CCDC12: variants seen among roughly 807,000 people sequenced by gnomAD.
CCDC12 encodes the protein coiled-coil domain containing 12.
In CCDC12, 28 loss-of-function variants were observed where a neutral mutation model predicts 25.7. The ratio of observed to expected loss-of-function variants is 1.09; its 90% confidence interval spans 0.81 to 1.50. The LOEUF (loss-of-function observed/expected upper bound fraction) is 1.50, where lower values mean the gene tolerates loss of function less well. CCDC12 is among the 40% of genes most tolerant of loss of function. CCDC12 has a pLI of 0.00. For synonymous variants in CCDC12, 75 were observed against 87.7 expected (o/e 0.86, Z 0.81); for missense variants, 198 against 210.0 (o/e 0.94, Z 0.35).
intron 1 of CCDC12, among the ~76,000 whole-genome samples, chr3:46,946,955 A>G (rs981268079): frequency 6.6e-6 from 1 of 152,180 alleles, no homozygotes; most frequent in Non-Finnish European, 1.5e-5. Context: ...GAAGCAGGAA[A>G]GGGTTAAGAG....
intron 1 of CCDC12, among the ~76,000 whole-genome samples, chr3:46,962,050 T>A (rs185714570): frequency 6.9e-4 from 105 of 152,288 alleles, no homozygotes; most frequent in South Asian, 2.9e-3. Context: ...TAGACCTATA[T>A]GTAGGCAACT....
intron 1 of CCDC12, among the ~76,000 whole-genome samples, chr3:46,953,413 A>G (rs1463394): frequency 0.94 from 143,710 of 152,110 alleles, 68,459 homozygotes; most frequent in East Asian, 1. Flanking sequence ...AAGACTTCAC[A>G]GACTCGCACT....
intron 5 of CCDC12, 96 bp from the exon 6 acceptor site, chr3:46,922,408 C>T: frequency 7.2e-7 from 1 of 1,384,630 alleles, no homozygotes; most frequent in Non-Finnish European, 1.0e-6. Flanking sequence ...CATTAGGAGT[C>T]ATGCTCGGTT....
At chr3:46,924,582 C>A (rs2032853315) in intron 3 of CCDC12, among the ~76,000 whole-genome samples, 1 of 152,372 alleles carries the variant, frequency 6.6e-6, no homozygotes, top group South Asian at 2.1e-4. Context: ...CAGTGGCTCA[C>A]ACCTGGAATC....
At chr3:46,939,277 T>G (rs1444514655) in intron 2 of CCDC12, among the ~76,000 whole-genome samples, 1 of 152,084 alleles carries the variant, frequency 6.6e-6, no homozygotes, top group Non-Finnish European at 1.5e-5. Flanking sequence ...TTCACAACCA[T>G]ATGGTTCAAC....
chr3:46,924,672 AC>A (rs2032859977), intron 3 of CCDC12, among the ~76,000 whole-genome samples: 1 of 152,058 alleles, frequency 6.6e-6, no homozygotes. Context: ...ACATGGTGAA[AC>A]CCTGTCTCTA....
chr3:46,936,863 C>T (rs557170471), intron 2 of CCDC12, among the ~76,000 whole-genome samples: 19 of 152,266 alleles, frequency 1.2e-4, no homozygotes, highest in African/African-American at 3.6e-4. Context: ...CATAGGGAGC[C>T]GAGACACTCA....
At chr3:46,976,837 G>A (rs1246710566), upstream of CCDC12, 2 of 1,517,714 alleles carry the variant, frequency 1.3e-6, no homozygotes, top group Non-Finnish European at 1.8e-6. Flanking sequence ...TGAGAGACTG[G>A]GAGGTCCTGA....
At chr3:46,962,763 G>A (rs1189864539) in intron 1 of CCDC12, among the ~76,000 whole-genome samples, 2 of 152,214 alleles carry the variant, frequency 1.3e-5, no homozygotes, top group African/African-American at 4.8e-5. Flanking sequence ...CCGCCATACA[G>A]TGCTGGTCAG....
chr3:46,921,935 TG>T lies in CCDC12; in HGVS notation c.*121del. The T allele has an allele frequency of 9.8e-7, 1 of 1,019,194 alleles. No individual in the cohort carries two copies. The highest frequency in any genetic ancestry group is 1.5e-6 in the Non-Finnish European group (1 of 683,778). 63.1% of individuals were successfully genotyped at this position (1,019,194 alleles called of 1,614,324 possible). A position where few individuals can be genotyped will look rare whatever the true frequency, so the allele number is the denominator to read the frequency against. On this transcript the variant is annotated 3_prime_UTR_variant, in exon 7 of 7. Coordinates refer to ENST00000683445, the MANE Select transcript of CCDC12 (RefSeq NM_001277074.2). Reference sequence around the variant, plus strand: ...TCATCCATGGGGGTTTCAGACTTGATGGGCAGGGAGTCTCTGCTCAGAAGCC... The same window carrying T: ...TCATCCATGGGGGTTTCAGACTTGATGGCAGGGAGTCTCTGCTCAGAAGCC...
chr3:46,951,798 A>T (rs13316570), intron 1 of CCDC12, among the ~76,000 whole-genome samples: 2,161 of 8,450 alleles, frequency 0.26, 503 homozygotes, highest in Non-Finnish European at 0.44. Context: ...AAAAAAAAAA[A>T]ATATATATAT....
intron 1 of CCDC12, among the ~76,000 whole-genome samples, chr3:46,954,910 G>A (rs1396986944): frequency 6.6e-6 from 1 of 152,082 alleles, no homozygotes; most frequent in Admixed American, 6.5e-5. Flanking sequence ...GCAAAAGAGC[G>A]AAACTCCGTC....
chr3:46,963,124 A>C (rs944512313), intron 1 of CCDC12, among the ~76,000 whole-genome samples: 2 of 152,236 alleles, frequency 1.3e-5, no homozygotes, highest in Non-Finnish European at 2.9e-5. Context: ...AAAGGAAGGA[A>C]GGCAACTTCT....
chr3:46,923,275 G>A (rs2032766490), intron 5 of CCDC12, 54 bp downstream of exon 5: 1 of 1,445,998 alleles, frequency 6.9e-7, no homozygotes. Context: ...GGCCCATGCT[G>A]GCACCAAGAG....
intron 1 of CCDC12, among the ~76,000 whole-genome samples, chr3:46,961,225 T>C (rs947026180): frequency 6.6e-6 from 1 of 152,104 alleles, no homozygotes; most frequent in Non-Finnish European, 1.5e-5. Flanking sequence ...TCCAAGATGA[T>C]ATATGAGACA....
At chr3:46,955,870 C>T (rs1283124387) in intron 1 of CCDC12, among the ~76,000 whole-genome samples, 5 of 152,216 alleles carry the variant, frequency 3.3e-5, no homozygotes, top group Non-Finnish European at 2.9e-5. Flanking sequence ...CTGCAAGCTG[C>T]CATGTGGTAC....
chr3:46,979,778 T>C (rs1256980803), upstream of CCDC12: 13 of 361,620 alleles, frequency 3.6e-5, no homozygotes, highest in African/African-American at 2.8e-4. Context: ...CCTCCGCCCA[T>C]GGGCCTGGCC....
In CCDC12 at chr3:46,941,038, T is replaced by C. The variant is rs763583699; in HGVS notation, c.124A>G (p.Lys42Glu). 1.2e-6 allele frequency: 2 copies of C among 1,614,168 alleles called. No individual in the cohort carries two copies. Among genetic ancestry groups the C allele is most frequent in the South Asian group, 2.2e-5 (2 of 91,078 alleles). ...TCTTCCTCCTCTTCTCTGAGATGCT[T>C]GGTCTTTGGCTCCCCATCTTCCTTG... ...KDKEDGEPKT[K>E]HLREEEEEGE... The change falls in exon 2 of 7, where the codon AAG becomes GAG. Residue 42 changes from lysine (K) to glutamate (E), a missense_variant. Lys to Glu is a moderately conservative substitution (Grantham distance 56). Transcript: ENST00000683445.
At chr3:46,946,848 G>A (rs191913225) in intron 1 of CCDC12, among the ~76,000 whole-genome samples, 1 of 152,310 alleles carries the variant, frequency 6.6e-6, no homozygotes, top group East Asian at 1.9e-4. Context: ...GAGTTCAGGG[G>A]ATGAGGAATA....
Sources: gnomAD v4.1 joint callset for allele counts (sites outside exome capture counted in the v4.1 genomes callset) on GRCh38, gnomAD v4.1.1 for gene constraint, MANE v1.5 for transcripts, NCBI Gene and HGNC (gene_info 2026-07-23, HGNC 2026-07-21) for gene names.